Variants in KIF26B observed in about 807,000 individuals in gnomAD.
The protein encoded by KIF26B is kinesin family member 26B, also known as kinesin-like protein KIF26B.
A neutral mutation model predicts 151.2 loss-of-function variants in KIF26B; 63 were observed. That is an observed-to-expected ratio of 0.42 (90% confidence interval 0.34 to 0.51). The LOEUF is 0.51. Among genes scored for constraint, KIF26B ranks in the 20% least tolerant of loss-of-function variants. The pLI, the probability that KIF26B is intolerant of heterozygous loss-of-function variation, is 0.07. For synonymous variants in KIF26B, 1,357 were observed against 1,262.1 expected (o/e 1.08, Z -1.59); for missense variants, 2,813 against 2,913.6 (o/e 0.97, Z 0.79).
Position 245,704,848 on chromosome 1 carries a change from C to G in KIF26B, c.*2242C>G, listed in dbSNP as rs1353070583. 7.0e-6 allele frequency: 1 copy of G among 142,294 alleles called. No homozygotes were observed. The highest frequency in any genetic ancestry group is 1.5e-5 in the Non-Finnish European group (1 of 66,046). 8.8% of individuals were successfully genotyped at this position (142,294 alleles called of 1,614,324 possible). On this transcript the variant is annotated 3_prime_UTR_variant, in exon 15 of 15. Transcript: ENST00000407071. ...TGGGCTGCTGGTTGCTGGTTTCAAA[C>G]ATATAGTTCATGAAAAGTCTTTAAT...
intron 4 of KIF26B, among the ~76,000 whole-genome samples, chr1:245,502,883 TG>T (rs1321143931): frequency 6.6e-6 from 1 of 150,702 alleles, no homozygotes; most frequent in African/African-American, 2.4e-5. Context: ...TTTTTCGAGA[TG>T]GAGTTTCGCT....
At chr1:245,536,392 G>A (rs1352474089) in intron 4 of KIF26B, among the ~76,000 whole-genome samples, 2 of 152,114 alleles carry the variant, frequency 1.3e-5, no homozygotes, top group African/African-American at 4.8e-5. Flanking sequence ...AACATACCGT[G>A]AGCTCTCTTC....
chr1:245,404,827 A>G (rs1674095032), intron 3 of KIF26B, among the ~76,000 whole-genome samples: 1 of 152,238 alleles, frequency 6.6e-6, no homozygotes, highest in Non-Finnish European at 1.5e-5. Flanking sequence ...AGAAAATTGT[A>G]TAGACCTCAA....
intron 4 of KIF26B, among the ~76,000 whole-genome samples, chr1:245,534,997 G>A (rs532475353): frequency 6.6e-6 from 1 of 152,084 alleles, no homozygotes; most frequent in South Asian, 2.1e-4. Flanking sequence ...TGGTCAGGCT[G>A]GTCTCGATCT....
chr1:245,686,329 AG>A lies in KIF26B; in HGVS notation c.3349del (p.Glu1117SerfsTer15). 6.2e-7 allele frequency: 1 copy of A among 1,613,180 alleles called. No homozygotes were observed. The highest frequency in any genetic ancestry group is 8.5e-7 in the Non-Finnish European group (1 of 1,179,830). Reference sequence around the variant, plus strand: ...GAGCAAGGATTCCGGCGTGGCGTCTAGGGAGTCCTTGCTGCAGCCCGAGGTG... The same window carrying A: ...GAGCAAGGATTCCGGCGTGGCGTCTAGGAGTCCTTGCTGCAGCCCGAGGTG... ...PSSKDSGVAS[R>X]ESLLQPEVRT... On this transcript the variant is annotated frameshift_variant, in exon 12 of 15. Transcript: ENST00000407071. LOFTEE classifies it high-confidence loss of function. This position sits in a 1 kb window ranked among gnomAD's most constrained non-coding sequence, Gnocchi z 5.6.
At chr1:245,178,548 A>G (rs2103526167) in intron 2 of KIF26B, among the ~76,000 whole-genome samples, 1 of 152,268 alleles carries the variant, frequency 6.6e-6, no homozygotes, top group Non-Finnish European at 1.5e-5. Context: ...CCTTCATATC[A>G]TTGCACGGCC....
intron 4 of KIF26B, among the ~76,000 whole-genome samples, chr1:245,444,195 GTT>G (rs1659194953): frequency 5.9e-5 from 7 of 119,016 alleles, no homozygotes; most frequent in African/African-American, 2.6e-4. Flanking sequence ...CTCCCTCACT[GTT>G]CACCTAGAGG....
chr1:245,305,836 A>G (rs1236774608), intron 2 of KIF26B, among the ~76,000 whole-genome samples: 2 of 149,394 alleles, frequency 1.3e-5, no homozygotes, highest in East Asian at 2.0e-4. Context: ...TACTCGGGAG[A>G]CTGAGGCAGA....
At chr1:245,604,810 CAT>C (rs1558233300) in intron 6 of KIF26B, among the ~76,000 whole-genome samples, 1 of 152,152 alleles carries the variant, frequency 6.6e-6, no homozygotes. Context: ...TAATAAATTA[CAT>C]GTCTGTATAA....
chr1:245,205,639 C>T (rs1186431411), intron 2 of KIF26B, among the ~76,000 whole-genome samples: 1 of 152,090 alleles, frequency 6.6e-6, no homozygotes, highest in African/African-American at 2.4e-5. Context: ...GATGTTCCTG[C>T]CACAGGATTT....
intron 2 of KIF26B, among the ~76,000 whole-genome samples, chr1:245,302,417 A>C (rs1671441452): frequency 6.6e-6 from 1 of 152,208 alleles, no homozygotes; most frequent in Non-Finnish European, 1.5e-5. Flanking sequence ...TACATGTCCA[A>C]ATGCATTGAG....
chr1:245,442,516 G>A (rs1659131101), intron 4 of KIF26B, among the ~76,000 whole-genome samples: 1 of 152,202 alleles, frequency 6.6e-6, no homozygotes, highest in African/African-American at 2.4e-5. Flanking sequence ...AAGGAGGCAG[G>A]AAAGGGAAAG....
rs570272051 is a variant in KIF26B, at chr1:245,485,493, C to T, written c.1167-55274C>T. 2.6e-3 allele frequency among the ~76,000 whole-genome samples: 392 copies of T among 151,742 alleles called. 1 individual carries two copies. Among genetic ancestry groups the T allele is most frequent in the African/African-American group, 9.3e-3 (383 of 41,374 alleles). Reference sequence around the variant, plus strand: ...CCACCTCCCAGGCTCATGTGATTCTCCTGCCCCAGCCTCCCAAGTACCTGG... The same window carrying T: ...CCACCTCCCAGGCTCATGTGATTCTTCTGCCCCAGCCTCCCAAGTACCTGG... On this transcript the variant is annotated intron_variant, in intron 4 of 14. Coordinates refer to ENST00000407071, the MANE Select transcript of KIF26B (RefSeq NM_018012.4).
At chr1:245,360,452 G>A (rs1672792272) in intron 2 of KIF26B, among the ~76,000 whole-genome samples, 2 of 152,114 alleles carry the variant, frequency 1.3e-5, no homozygotes, top group Admixed American at 6.6e-5. Context: ...CACTTATTCA[G>A]CATTTACCAA....
intron 4 of KIF26B, among the ~76,000 whole-genome samples, chr1:245,467,231 C>G (rs750780883): frequency 2.6e-5 from 4 of 152,130 alleles, no homozygotes; most frequent in Admixed American, 1.3e-4. Context: ...ATTTATACCC[C>G]CAATGTGGTG....
chr1:245,698,601 A>G lies in KIF26B; in HGVS notation c.6028-286A>G, dbSNP rs1328447561. On this transcript the variant is annotated intron_variant, in intron 13 of 14. Coordinates refer to ENST00000407071, the MANE Select transcript of KIF26B (RefSeq NM_018012.4). This position sits in a 1 kb window ranked among gnomAD's most constrained non-coding sequence, Gnocchi z 4.0. Reference sequence around the variant, plus strand: ...CTCCTTGAGGCTCCCAGTCTTAACCAACCTTTGTCCAACTTGAACACCCAC... The same window carrying G: ...CTCCTTGAGGCTCCCAGTCTTAACCGACCTTTGTCCAACTTGAACACCCAC... Among the ~76,000 whole-genome samples the G allele has an allele frequency of 6.6e-6, 1 of 152,146 alleles. No individual in the cohort carries two copies. The highest frequency in any genetic ancestry group is 1.5e-5 in the Non-Finnish European group (1 of 68,030).
At chr1:245,204,122 T>G (rs1338597677) in intron 2 of KIF26B, among the ~76,000 whole-genome samples, 1 of 152,172 alleles carries the variant, frequency 6.6e-6, no homozygotes, top group African/African-American at 2.4e-5. Context: ...CTGCAGTCAT[T>G]GTCCTGCACG....
chr1:245,457,290 G>A (rs1659555811), intron 4 of KIF26B, among the ~76,000 whole-genome samples: 2 of 152,144 alleles, frequency 1.3e-5, no homozygotes, highest in Non-Finnish European at 2.9e-5. Context: ...CTTTTAGAAT[G>A]AATTGTCCCA....
intron 2 of KIF26B, among the ~76,000 whole-genome samples, chr1:245,186,445 G>A (rs1308978668): frequency 2.0e-5 from 3 of 152,206 alleles, no homozygotes; most frequent in African/African-American, 4.8e-5. Context: ...GCCTTAATAA[G>A]TTACTCCCTG....
Sources: gnomAD v4.1 joint callset for allele counts (sites outside exome capture counted in the v4.1 genomes callset) on GRCh38, gnomAD v4.1.1 for gene constraint, Gnocchi (gnomAD v3.1) non-coding constraint, MANE v1.5 for transcripts, NCBI Gene and HGNC (gene_info 2026-07-23, HGNC 2026-07-21) for gene names.